PRICKLE1: variants seen among roughly 807,000 people sequenced by gnomAD.
PRICKLE1 encodes the protein prickle planar cell polarity protein 1.
In PRICKLE1, 14 loss-of-function variants were observed where a neutral mutation model predicts 70.2. The observed-to-expected ratio is 0.20, with a 90% confidence interval of 0.13 to 0.31. The LOEUF (loss-of-function observed/expected upper bound fraction) is 0.31. PRICKLE1 is among the 10% of genes least tolerant of loss of function. The pLI is 1.00. For synonymous variants in PRICKLE1, 357 were observed against 379.9 expected (o/e 0.94, Z 0.70); for missense variants, 821 against 1,026.2 (o/e 0.80, Z 2.73).
chr12:42,559,842 G>A (rs1940476745), intron 1 of PRICKLE1, among the ~76,000 whole-genome samples: 1 of 151,636 alleles, frequency 6.6e-6, no homozygotes, highest in Admixed American at 6.6e-5. Context: ...GATTAAACAT[G>A]TCTTTATCAA....
intron 7 of PRICKLE1, among the ~76,000 whole-genome samples, chr12:42,463,129 T>C (rs186224589): frequency 1.4e-4 from 21 of 151,886 alleles, no homozygotes; most frequent in Admixed American, 5.9e-4. Context: ...GAGACCAGCC[T>C]GTCTCACAAA....
chr12:42,462,912 C>G (rs1937914876), intron 7 of PRICKLE1, among the ~76,000 whole-genome samples: 1 of 152,198 alleles, frequency 6.6e-6, no homozygotes, highest in South Asian at 2.1e-4. Flanking sequence ...TGGCATTTAG[C>G]CTTTTGGTAA....
rs530236302 is a variant in PRICKLE1, at chr12:42,464,148, C to T, written c.1639+247G>A. ...GGTTCAAGCAATTCTCTTGCCTCAG[C>T]CTCCCGAGTAGCTGGGATCACAGGC... On this transcript the variant is annotated intron_variant, in intron 7 of 7. Transcript: ENST00000345127. The surrounding 1 kb of genome is among the most constrained non-coding windows in gnomAD (Gnocchi z 4.2). Among the ~76,000 whole-genome samples, 6 of 152,062 alleles carry T rather than the reference C, an allele frequency of 3.9e-5. No homozygotes were observed. Among genetic ancestry groups the T allele is most frequent in the Admixed American group, 6.6e-5 (1 of 15,256 alleles).
intron 1 of PRICKLE1, among the ~76,000 whole-genome samples, chr12:42,572,384 C>T (rs1380555818): frequency 3.3e-5 from 5 of 150,950 alleles, no homozygotes; most frequent in Admixed American, 2.0e-4. Context: ...TGCAGTGAGC[C>T]GAGATTGTGC....
At chr12:42,540,905 A>G (rs1452106) in intron 1 of PRICKLE1, among the ~76,000 whole-genome samples, 80,715 of 151,900 alleles carry the variant, frequency 0.53, 22,413 homozygotes, top group Admixed American at 0.64. Context: ...ACTCCTTAAG[A>G]TCCTCTCACT....
At chr12:42,495,691 T>A (rs111415047) in intron 1 of PRICKLE1, among the ~76,000 whole-genome samples, 2 of 151,816 alleles carry the variant, frequency 1.3e-5, no homozygotes, top group Non-Finnish European at 2.9e-5. Context: ...CGGGTTCAAG[T>A]GATTATCCTG....
intron 1 of PRICKLE1, among the ~76,000 whole-genome samples, chr12:42,477,522 A>AGGC (rs1938615182): frequency 3.4e-5 from 3 of 87,706 alleles, no homozygotes; most frequent in African/African-American, 1.2e-4. Flanking sequence ...ATATATATAT[A>AGGC]TATATATATA....
At chr12:42,498,126 G>GT (rs397812629) in intron 1 of PRICKLE1, among the ~76,000 whole-genome samples, 1 of 946 alleles carries the variant, frequency 1.1e-3, no homozygotes, top group Non-Finnish European at 2.0e-3. Flanking sequence ...TGGGATTATA[G>GT]TGTGAGCCTC....
At chr12:42,551,703 C>G (rs1940320757) in intron 1 of PRICKLE1, among the ~76,000 whole-genome samples, 2 of 152,256 alleles carry the variant, frequency 1.3e-5, no homozygotes, top group South Asian at 4.1e-4. Flanking sequence ...GTGTGTGGCC[C>G]AAGGGAAGAG....
intron 1 of PRICKLE1, among the ~76,000 whole-genome samples, chr12:42,488,548 C>T (rs1939030050): frequency 6.6e-6 from 1 of 152,210 alleles, no homozygotes; most frequent in Admixed American, 6.5e-5. Flanking sequence ...ACCTTAGGCT[C>T]TGCAACCCTC....
In PRICKLE1 at chr12:42,465,015, C is replaced by G; in HGVS notation, c.1019G>C (p.Ser340Thr). The G allele has an allele frequency of 6.2e-7, 1 of 1,602,982 alleles. No individual in the cohort carries two copies. Among genetic ancestry groups the G allele is most frequent in the Non-Finnish European group, 8.5e-7 (1 of 1,175,218 alleles). Residue 340 changes from serine to threonine, a missense_variant, in exon 7 of 8, where the codon AGC (serine) becomes ACC (threonine). By Grantham distance (58) the Ser-to-Thr change is moderately conservative. Transcript: ENST00000345127. Reference sequence around the variant, plus strand: ...CTGTCTACACTGATCTGCTGACCGGCTGCTCTTGCCCATTCGGACACTTCT... The same window carrying G: ...CTGTCTACACTGATCTGCTGACCGGGTGCTCTTGCCCATTCGGACACTTCT... ...SRRSVRMGKS[S>T]RSADQCRQSL...
chr12:42,479,714 T>C (rs1380242668), intron 1 of PRICKLE1, among the ~76,000 whole-genome samples: 4 of 152,152 alleles, frequency 2.6e-5, no homozygotes, highest in African/African-American at 9.7e-5. Flanking sequence ...CCCAGCACTA[T>C]AGAGGCTAAG....
At chr12:42,477,955 CTTT>C (rs35905569) in intron 1 of PRICKLE1, among the ~76,000 whole-genome samples, 62 of 133,112 alleles carry the variant, frequency 4.7e-4, no homozygotes, top group African/African-American at 9.2e-4. Context: ...CTGCCCTATA[CTTT>C]TTTTTTTTTT....
At chr12:42,479,894 C>T (rs773920304) in intron 1 of PRICKLE1, among the ~76,000 whole-genome samples, 3 of 151,802 alleles carry the variant, frequency 2.0e-5, no homozygotes, top group Non-Finnish European at 4.4e-5. Flanking sequence ...GCAGAGGCTG[C>T]AGTGAACCAA....
chr12:42,562,244 T>C (rs1035984594), intron 1 of PRICKLE1, among the ~76,000 whole-genome samples: 1 of 152,194 alleles, frequency 6.6e-6, no homozygotes, highest in Non-Finnish European at 1.5e-5. Context: ...AAGGCAAAGA[T>C]ATCTTATTGT....
At chr12:42,484,992 G>C (rs1938949318) in intron 1 of PRICKLE1, among the ~76,000 whole-genome samples, 1 of 151,688 alleles carries the variant, frequency 6.6e-6, no homozygotes, top group Non-Finnish European at 1.5e-5. Context: ...GTAAATAAAA[G>C]CAATTTAAAG....
chr12:42,555,690 G>T (rs947252773), intron 1 of PRICKLE1, among the ~76,000 whole-genome samples: 1 of 152,032 alleles, frequency 6.6e-6, no homozygotes, highest in Non-Finnish European at 1.5e-5. Context: ...GAACAAATGG[G>T]TATTTGTAAG....
In PRICKLE1 at chr12:42,459,044, C is replaced by T. The variant is rs1020562794; in HGVS notation, c.*765G>A. On this transcript the variant is annotated 3_prime_UTR_variant, in exon 8 of 8. Transcript: ENST00000345127. ...AATTTGACCATCTACATTTATAAAC[C>T]CTGACTAAAATATAAGCAATCAGTT... 2.5e-6 allele frequency: 1 copy of T among 404,456 alleles called. No individual in the cohort carries two copies. 25.1% of individuals were successfully genotyped at this position (404,456 alleles called of 1,614,324 possible).
At chr12:42,521,219 C>A (rs1165850615) in intron 1 of PRICKLE1, among the ~76,000 whole-genome samples, 1 of 151,924 alleles carries the variant, frequency 6.6e-6, no homozygotes, top group Non-Finnish European at 1.5e-5. Context: ...CTTAGAGTCT[C>A]TGTAGGCAAT....
Sources: allele counts gnomAD v4.1 joint callset (sites outside exome capture counted in the v4.1 genomes callset), GRCh38; gene constraint gnomAD v4.1.1; non-coding constraint Gnocchi (gnomAD v3.1); transcripts MANE v1.5; gene names NCBI Gene and HGNC (gene_info 2026-07-23, HGNC 2026-07-21).